The following KDM2B variants were observed in gnomAD, a reference collection of about 807,000 sequenced individuals.
KDM2B encodes the protein lysine demethylase 2B.
Under a neutral mutation model 150.0 loss-of-function variants are expected in KDM2B, and 26 were observed. That is an observed-to-expected ratio of 0.17 (90% confidence interval 0.13 to 0.24). The LOEUF is 0.24. Among genes scored for constraint, KDM2B ranks in the 10% least tolerant of loss-of-function variants. KDM2B has a pLI of 1.00. For synonymous variants in KDM2B, 734 were observed against 729.5 expected (o/e 1.01, Z -0.10); for missense variants, 1,265 against 1,816.9 (o/e 0.70, Z 5.52).
intron 4 of KDM2B, among the ~76,000 whole-genome samples, chr12:121,563,800 G>A (rs2136299139): frequency 6.6e-6 from 1 of 151,976 alleles, no homozygotes; most frequent in South Asian, 2.1e-4. Flanking sequence ...GGGAGGCTGA[G>A]GCAGGAGAAT....
Position 121,439,903 on chromosome 12 carries a change from A to G in KDM2B, c.3783T>C (p.Ala1261=). 1 of 1,614,248 alleles carries G rather than the reference A, an allele frequency of 6.2e-7. No homozygotes were observed. Residue 1261 remains alanine (A), a synonymous_variant, in exon 22 of 23, where the codon GCT becomes GCC. Coordinates refer to ENST00000377071, the MANE Select transcript of KDM2B (RefSeq NM_032590.5). The part of the protein sequence containing the change: ...VTDQSINLLT[A]VGTTTRDSLT... Reference sequence around the variant, plus strand: ...AGGAGTCTCGGGTGGTGGTGCCAACAGCAGTGAGCAGGTTGATAGACTGGT... The same window carrying G: ...AGGAGTCTCGGGTGGTGGTGCCAACGGCAGTGAGCAGGTTGATAGACTGGT...
chr12:121,419,140 TATA>T, the KDM2B span, among the ~76,000 whole-genome samples: 1 of 152,250 alleles, frequency 6.6e-6, no homozygotes, highest in Non-Finnish European at 1.5e-5. Flanking sequence ...TCTGTAAGAT[TATA>T]ATACCATATT....
Position 121,443,691 on chromosome 12 carries a change from A to G in KDM2B, c.2554T>C (p.Phe852Leu), listed in dbSNP as rs370793546. Reference protein sequence around the residue: ...SPWWRSSLTYFQQQLKPGKED... With the variant: ...SPWWRSSLTYLQQQLKPGKED... The stretch of plus-strand genomic sequence containing the variant: ...CGTCGTGGGAGCACCTGCTGCTGGA[A>G]GTAAGTGAGACTGGATCTCCACCAG... The change falls in exon 17 of 23, where the codon TTC becomes CTC. Residue 852 changes from phenylalanine to leucine, a missense_variant. By Grantham distance (22) the Phe-to-Leu change is conservative. Coordinates refer to ENST00000377071, the MANE Select transcript of KDM2B (RefSeq NM_032590.5). 22 of 1,609,174 alleles carry G rather than the reference A, an allele frequency of 1.4e-5. No homozygotes were observed. The highest frequency in any genetic ancestry group is 1.7e-4 in the Middle Eastern group (1 of 5,720).
chr12:121,466,126 C>T (rs1175945966), intron 12 of KDM2B, among the ~76,000 whole-genome samples: 4 of 151,778 alleles, frequency 2.6e-5, no homozygotes, highest in Non-Finnish European at 4.4e-5. Context: ...CTCAATTGCA[C>T]CTAATGATGA....
At chr12:121,503,863 T>C (rs1271055533) in intron 11 of KDM2B, among the ~76,000 whole-genome samples, 1 of 152,230 alleles carries the variant, frequency 6.6e-6, no homozygotes, top group African/African-American at 2.4e-5. Context: ...AGAATGGCCA[T>C]AAGAGTCCCA....
intron 6 of KDM2B, among the ~76,000 whole-genome samples, chr12:121,538,379 G>A (rs1208051510): frequency 6.6e-6 from 1 of 152,138 alleles, no homozygotes; most frequent in African/African-American, 2.4e-5. Flanking sequence ...GGGGAGAGTG[G>A]GATCCGGAGT....
intron 11 of KDM2B, among the ~76,000 whole-genome samples, chr12:121,495,180 T>G (rs1293951059): frequency 1.3e-5 from 2 of 151,406 alleles, no homozygotes; most frequent in Non-Finnish European, 3.0e-5. Flanking sequence ...TTTTTTTTTT[T>G]AGACAAAGTC....
chr12:121,531,243 T>C (rs1887640185), intron 8 of KDM2B, among the ~76,000 whole-genome samples: 1 of 152,136 alleles, frequency 6.6e-6, no homozygotes, highest in African/African-American at 2.4e-5. Context: ...CCTGGGGCCA[T>C]GGTAACAAAG....
At chr12:121,446,195 ACCATC>A (rs1204534468) in intron 13 of KDM2B, among the ~76,000 whole-genome samples, 1 of 152,184 alleles carries the variant, frequency 6.6e-6, no homozygotes, top group East Asian at 1.9e-4. Flanking sequence ...GGAGATCGAG[ACCATC>A]CCGGCTACCA....
intron 4 of KDM2B, among the ~76,000 whole-genome samples, chr12:121,555,918 G>GT (rs1213561728): frequency 3.6e-4 from 54 of 150,588 alleles, no homozygotes; most frequent in East Asian, 9.7e-4. Context: ...TTTTTGTTTT[G>GT]TTTTTTTTGT....
chr12:121,434,518 AAAAG>A (rs1351648218), intron 22 of KDM2B, among the ~76,000 whole-genome samples: 7 of 152,150 alleles, frequency 4.6e-5, no homozygotes, highest in Admixed American at 2.0e-4. Flanking sequence ...AAAAAAAAAA[AAAAG>A]AATCAGGAGC....
At chr12:121,443,116 A>T in intron 17 of KDM2B, 86 bp from the exon 18 acceptor site, 1 of 1,342,650 alleles carries the variant, frequency 7.4e-7, no homozygotes, top group Non-Finnish European at 1.0e-6. Flanking sequence ...CCACGAGTCC[A>T]CAGTCTCCAG....
At position 121,439,858 on chromosome 12, in the gene KDM2B, A is replaced by G; in HGVS notation, c.3828T>C (p.Ser1276=). The G allele has an allele frequency of 6.2e-7, 1 of 1,613,854 alleles. No individual in the cohort carries two copies. Among genetic ancestry groups the G allele is most frequent in the Non-Finnish European group, 8.5e-7 (1 of 1,179,782 alleles). The part of the protein sequence containing the change: ...TRDSLTEINL[S]DCNKVTDQCL... ...ACCCGATGGGGGCCCCTGACTCACC[A>G]GACAGGTTGATCTCGGTTAAGGAGT... Residue 1276 remains serine, a splice_region_variant and synonymous_variant, in exon 22 of 23, where the codon TCT becomes TCC. Coordinates refer to ENST00000377071, the MANE Select transcript of KDM2B (RefSeq NM_032590.5).
intron 12 of KDM2B, among the ~76,000 whole-genome samples, chr12:121,471,553 CGAT>C (rs1432870978): frequency 2.8e-4 from 42 of 152,100 alleles, no homozygotes; most frequent in African/African-American, 9.7e-4. Context: ...AACAGGAAGA[CGAT>C]GACACTTGGA....
At chr12:121,497,984 G>A (rs975649864) in intron 11 of KDM2B, among the ~76,000 whole-genome samples, 10 of 152,008 alleles carry the variant, frequency 6.6e-5, no homozygotes, top group African/African-American at 1.9e-4. Context: ...TGGTCCCAGC[G>A]ACCTGGGAAG....
At chr12:121,441,974 C>G (rs999520607) in intron 19 of KDM2B, among the ~76,000 whole-genome samples, 183 bp downstream of exon 19, 1 of 152,344 alleles carries the variant, frequency 6.6e-6, no homozygotes, top group African/African-American at 2.4e-5. Context: ...TCGGAATAAA[C>G]GGGGTCACCT....
intron 11 of KDM2B, among the ~76,000 whole-genome samples, chr12:121,503,449 C>G (rs1482038338): frequency 6.6e-6 from 1 of 151,810 alleles, no homozygotes; most frequent in Non-Finnish European, 1.5e-5. Flanking sequence ...TGCCACTACT[C>G]CTGGCTAATT....
At chr12:121,439,468 CTG>C (rs1555287592) in intron 22 of KDM2B, among the ~76,000 whole-genome samples, 1 of 66,514 alleles carries the variant, frequency 1.5e-5, no homozygotes, top group African/African-American at 3.8e-5. Flanking sequence ...GCGACCTCCA[CTG>C]CCAGTTTCAA....
chr12:121,439,660 G>A (rs542309717), intron 22 of KDM2B, among the ~76,000 whole-genome samples, 197 bp downstream of exon 22: 10 of 152,292 alleles, frequency 6.6e-5, no homozygotes, highest in Admixed American at 2.0e-4. Flanking sequence ...GATTACGGGC[G>A]TGAGCTACCG....
Sources: allele counts gnomAD v4.1 joint callset (sites outside exome capture counted in the v4.1 genomes callset), GRCh38; gene constraint gnomAD v4.1.1; transcripts MANE v1.5; gene names NCBI Gene and HGNC (gene_info 2026-07-23, HGNC 2026-07-21).